The following TSEN15 variants were observed in gnomAD, a reference collection of about 807,000 sequenced individuals.
TSEN15 encodes tRNA splicing endonuclease subunit 15, also known as tRNA-splicing endonuclease subunit Sen15.
TSEN15 carries 10 observed loss-of-function variants against 20.5 expected under a neutral mutation model. The observed-to-expected ratio is 0.49, with a 90% confidence interval of 0.30 to 0.83. TSEN15 has a LOEUF of 0.83. Among genes scored for constraint, TSEN15 ranks in the 40% least tolerant of loss-of-function variants. The pLI, the probability that TSEN15 is intolerant of heterozygous loss-of-function variation, is 0.06. For missense variants in TSEN15, 180 were observed against 218.6 expected, an observed-to-expected ratio of 0.82 and a Z score of 1.11; for synonymous variants, 72 against 80.1, an observed-to-expected ratio of 0.90 and a Z score of 0.54.
intron 3 of TSEN15, among the ~76,000 whole-genome samples, chr1:184,084,121 G>C (rs938553593): frequency 6.6e-6 from 1 of 152,140 alleles, no homozygotes; most frequent in African/African-American, 2.4e-5. Flanking sequence ...GAAGGACAAA[G>C]TGTGTCCTTC....
downstream of TSEN15, among the ~76,000 whole-genome samples, chr1:184,076,640 A>G (rs757704661): frequency 6.6e-6 from 1 of 152,194 alleles, no homozygotes; most frequent in Admixed American, 6.5e-5. Flanking sequence ...CTCTTGTGCC[A>G]AACAGTCAAG....
At chr1:184,058,955 G>T (rs146869043) in intron 3 of TSEN15, among the ~76,000 whole-genome samples, 2 of 151,408 alleles carry the variant, frequency 1.3e-5, no homozygotes, top group African/African-American at 4.9e-5. Context: ...AGGTGCTGGG[G>T]ATACCATGAT....
Position 184,074,119 on chromosome 1 carries a change from G to A in TSEN15, c.*1272G>A, listed in dbSNP as rs1370259987. ...AACAAAGTAAATCAAATTACTAACT[G>A]GTTATAGTGGGATAGGAGGCAGAAA... On this transcript the variant is annotated 3_prime_UTR_variant, in exon 5 of 5. Transcript: ENST00000645668. The A allele has an allele frequency of 6.6e-6, 1 of 152,030 alleles. No individual in the cohort carries two copies. Among genetic ancestry groups the A allele is most frequent in the Non-Finnish European group, 1.5e-5 (1 of 67,978 alleles). The allele number at this position is 152,030 out of a possible 1,614,324, so 9.4% of individuals were successfully genotyped here. A position where few individuals can be genotyped will look rare whatever the true frequency, so the allele number is the denominator to read the frequency against.
intron 3 of TSEN15, among the ~76,000 whole-genome samples, chr1:184,088,955 C>T (rs1231900245): frequency 6.6e-6 from 1 of 152,168 alleles, no homozygotes; most frequent in South Asian, 2.1e-4. Context: ...AAAGTGCCTG[C>T]CACAGCCAGG....
At chr1:184,068,507 AT>A (rs912530832) in intron 3 of TSEN15, among the ~76,000 whole-genome samples, 1 of 151,078 alleles carries the variant, frequency 6.6e-6, no homozygotes, top group Non-Finnish European at 1.5e-5. Context: ...CTGATACAGC[AT>A]TTTTTTTTCT....
chr1:184,077,137 C>A (rs1207558715), downstream of TSEN15, among the ~76,000 whole-genome samples: 1 of 152,054 alleles, frequency 6.6e-6, no homozygotes, highest in Non-Finnish European at 1.5e-5. Context: ...GGCTTCAAAG[C>A]TTCAAAGGAT....
At chr1:184,051,954 G>A in intron 1 of TSEN15, 64 bp downstream of exon 1, 1 of 1,362,056 alleles carries the variant, frequency 7.3e-7, no homozygotes, top group South Asian at 1.8e-5. Context: ...ACACTCCCAG[G>A]CAGCTCTCTT....
At chr1:184,064,141 A>G (rs1175842975) in intron 3 of TSEN15, among the ~76,000 whole-genome samples, 1 of 152,126 alleles carries the variant, frequency 6.6e-6, no homozygotes, top group East Asian at 1.9e-4. Context: ...ATCTAGTGTG[A>G]TAAACGTAAT....
intron 3 of TSEN15, among the ~76,000 whole-genome samples, chr1:184,085,739 G>T (rs2102902923): frequency 6.6e-6 from 1 of 152,288 alleles, no homozygotes; most frequent in South Asian, 2.1e-4. Flanking sequence ...CTAACAAGTT[G>T]TCTGATGATG....
In TSEN15 at chr1:184,080,816, GA is replaced by G. The variant is rs1350048775; in HGVS notation, c.354-14872del. On this transcript the variant is annotated intron_variant, in intron 3 of 3. Coordinates refer to the TSEN15 transcript ENST00000643231. ...TTATAAATGATCATTGCACCTCAAT[GA>G]AGAAGACCATTGCACCTCAATGATC... Among the ~76,000 whole-genome samples the G allele has an allele frequency of 4.6e-5, 7 of 152,226 alleles. No homozygotes were observed. In the East Asian group the frequency reaches 9.7e-4, roughly 21 times the overall value.
intron 1 of TSEN15, among the ~76,000 whole-genome samples, chr1:184,052,205 G>T (rs991992007): frequency 2.0e-5 from 3 of 152,186 alleles, no homozygotes; most frequent in African/African-American, 7.2e-5. Context: ...CCCTTTGGGG[G>T]ATAAATTTAT....
At chr1:184,064,488 T>C (rs543455219) in intron 3 of TSEN15, among the ~76,000 whole-genome samples, 60 of 151,210 alleles carry the variant, frequency 4.0e-4, no homozygotes, top group African/African-American at 1.3e-3. Flanking sequence ...ACAAGAGATA[T>C]GGGAATGATG....
At chr1:184,087,774 T>C (rs1048483583) in intron 3 of TSEN15, among the ~76,000 whole-genome samples, 1 of 152,198 alleles carries the variant, frequency 6.6e-6, no homozygotes, top group Non-Finnish European at 1.5e-5. Context: ...ACACTTAGAA[T>C]GATTCCAAGG....
At chr1:184,061,274 C>T (rs746246840) in intron 3 of TSEN15, among the ~76,000 whole-genome samples, 1 of 152,108 alleles carries the variant, frequency 6.6e-6, no homozygotes, top group Non-Finnish European at 1.5e-5. Context: ...TGTAAATCAC[C>T]ATTTTAGACT....
intron 3 of TSEN15, among the ~76,000 whole-genome samples, chr1:184,081,670 A>G (rs990301227): frequency 1.3e-5 from 2 of 152,170 alleles, no homozygotes; most frequent in African/African-American, 4.8e-5. Flanking sequence ...TAAACCTCAA[A>G]CTATTGAGTC....
At chr1:184,072,391 A>G in intron 4 of TSEN15, 93 bp downstream of exon 4, 1 of 1,179,826 alleles carries the variant, frequency 8.5e-7, no homozygotes, top group Non-Finnish European at 1.2e-6. Flanking sequence ...CAGAACTGCC[A>G]CTTCCTTTGC....
rs145701707 is a variant in TSEN15 at position 184,086,776 on chromosome 1, C to T, written c.354-8914C>T. Among the ~76,000 whole-genome samples the T allele has an allele frequency of 9.1e-4, 139 of 152,120 alleles. 2 individuals carry two copies. In the South Asian group the frequency reaches 0.016, roughly 17 times the overall value. On this transcript the variant is annotated intron_variant, in intron 3 of 3. Coordinates refer to the TSEN15 transcript ENST00000643231. ...GAGTGAGAGAGAGCTAGAGAGAGCA[C>T]GAGAGAGAGAAGATCCAACACCTTT...
At chr1:184,089,099 G>T (rs537768600) in intron 3 of TSEN15, among the ~76,000 whole-genome samples, 12 of 152,324 alleles carry the variant, frequency 7.9e-5, no homozygotes, top group African/African-American at 2.9e-4. Flanking sequence ...TTACTTTTGT[G>T]TGTGAAATTT....
chr1:184,086,433 G>T (rs187932823), intron 3 of TSEN15, among the ~76,000 whole-genome samples: 1 of 152,226 alleles, frequency 6.6e-6, no homozygotes, highest in African/African-American at 2.4e-5. Flanking sequence ...ATCTATTGCT[G>T]TGTGACAAAT....
Sources: allele counts gnomAD v4.1 joint callset (sites outside exome capture counted in the v4.1 genomes callset), GRCh38; gene constraint gnomAD v4.1.1; transcripts MANE v1.5; gene names NCBI Gene and HGNC (gene_info 2026-07-23, HGNC 2026-07-21).